Variants in IGSF9B observed in about 807,000 individuals in gnomAD.
IGSF9B encodes the protein protein turtle homolog B.
Under a neutral mutation model 143.7 loss-of-function variants are expected in IGSF9B, and 48 were observed. That is an observed-to-expected ratio of 0.33 (90% confidence interval 0.26 to 0.42). The LOEUF (loss-of-function observed/expected upper bound fraction) is 0.42, where lower values mean the gene tolerates loss of function less well. Among genes scored for constraint, IGSF9B ranks in the 20% least tolerant of loss-of-function variants. The probability of loss-of-function intolerance (pLI) is 1.00; values close to 1 mark genes in which losing one functional copy is unlikely to be tolerated. For synonymous variants in IGSF9B, 903 were observed against 833.1 expected (o/e 1.08, Z -1.44); for missense variants, 1,706 against 1,980.0 (o/e 0.86, Z 2.63).
chr11:133,922,315 C>T, intron 16 of IGSF9B, 93 bp from the exon 17 acceptor site: 1 of 1,237,338 alleles, frequency 8.1e-7, no homozygotes. Flanking sequence ...CGGAGCACCA[C>T]CGCACAGGGA....
chr11:133,931,211 G>T lies in IGSF9B; in HGVS notation c.1369-77C>A, dbSNP rs903307463. The T allele has an allele frequency of 2.7e-6, 4 of 1,466,308 alleles. No individual in the cohort carries two copies. The South Asian group carries it at 5.1e-5, about 19-fold the overall frequency. The allele number at this position is 1,466,308 out of a possible 1,614,324, so 90.8% of individuals were successfully genotyped here. A position where few individuals can be genotyped will look rare whatever the true frequency, so the allele number is the denominator to read the frequency against. On this transcript the variant is annotated intron_variant, in intron 10 of 19. Transcript: ENST00000533871. This position sits in a 1 kb window ranked among gnomAD's most constrained non-coding sequence, Gnocchi z 7.7. ...AGAGAAGCCCGAAGCAGATGGGGAG[G>T]ACGCGCCTGAGACCCCGGCCCGCCC...
chr11:133,912,732 T>G (rs1939321013), intron 18 of IGSF9B, among the ~76,000 whole-genome samples: 1 of 152,228 alleles, frequency 6.6e-6, no homozygotes, highest in African/African-American at 2.4e-5. Flanking sequence ...CCCAGAGCCC[T>G]TGCTGTCTGT....
At position 133,956,016 on chromosome 11, in the gene IGSF9B, G is replaced by A. The variant is rs571986516; in HGVS notation, c.64+675C>T. Among the ~76,000 whole-genome samples, 840 of 152,154 alleles carry A rather than the reference G, an allele frequency of 5.5e-3. 5 individuals carry two copies. Among genetic ancestry groups the A allele is most frequent in the African/African-American group, 0.019 (774 of 41,540 alleles). On this transcript the variant is annotated intron_variant, in intron 1 of 19. Coordinates refer to ENST00000533871, the MANE Select transcript of IGSF9B (RefSeq NM_001277285.4). ...ACTTTTGCCTGGCCGGGGCCCAGGT[G>A]CGGCTGAGAGGCGCGGGGGCCGGCG...
Position 133,929,685 on chromosome 11 carries a change from C to T in IGSF9B, c.1617G>A (p.Gln539=), listed in dbSNP as rs1449797414. The part of the protein sequence containing the change: ...WEPGYDGGYE[Q]TFSVWMKRAQ... ...GAGGTCCGTACCAAACTGAGAATGT[C>T]TGCTCGTAGCCTCCATCATAGCCTG... is the stretch of plus-strand genomic sequence containing the variant. Residue 539 remains glutamine, a synonymous_variant, in exon 12 of 20, where the codon CAG becomes CAA. Transcript: ENST00000533871. 1.9e-6 allele frequency: 3 copies of T among 1,612,534 alleles called. No homozygotes were observed. In the Admixed American group the frequency reaches 5.0e-5, roughly 27 times the overall value.
Position 133,921,135 on chromosome 11 carries a change from C to T in IGSF9B, c.2590G>A (p.Glu864Lys), listed in dbSNP as rs1164600920. The T allele has an allele frequency of 2.5e-6, 4 of 1,613,632 alleles. No homozygotes were observed. Among genetic ancestry groups the T allele is most frequent in the East Asian group, 4.5e-5 (2 of 44,888 alleles). Residue 864 changes from glutamate (E) to lysine (K), a missense_variant, in exon 18 of 20, where the codon GAG (glutamate) becomes AAG (lysine). Glu to Lys is a moderately conservative substitution (Grantham distance 56). Around this residue, in one of 7 missense-constraint regions of IGSF9B, gnomAD observed 135 missense variants for 181.3 expected, o/e 0.74. Coordinates refer to ENST00000533871, the MANE Select transcript of IGSF9B (RefSeq NM_001277285.4). ...PDGRFVMDPA[E>K]MEPSLKSRRI... The stretch of plus-strand genomic sequence containing the variant: ...CTGCTCTTCAGCGAGGGCTCCATCT[C>T]GGCAGGGTCCATCACGAAGCGGCCG...
At chr11:133,911,083 G>T (rs1281713340) in intron 19 of IGSF9B, among the ~76,000 whole-genome samples, 1 of 152,182 alleles carries the variant, frequency 6.6e-6, no homozygotes, top group East Asian at 1.9e-4. Context: ...TATAAAGAGA[G>T]TTACTCTACA....
At position 133,928,114 on chromosome 11, in the gene IGSF9B, G is replaced by A. The variant is rs1417685706; in HGVS notation, c.1632-1023C>T. On this transcript the variant is annotated intron_variant, in intron 12 of 19. Coordinates refer to ENST00000533871, the MANE Select transcript of IGSF9B (RefSeq NM_001277285.4). The surrounding 1 kb of genome is among the most constrained non-coding windows in gnomAD (Gnocchi z 4.7). ...TGGAGCAGCAGCGTGAAGCAGCACCGCAAGCAGCAGGGGAGCCCCAATCTA... is the reference window on the plus strand; with the variant it reads ...TGGAGCAGCAGCGTGAAGCAGCACCACAAGCAGCAGGGGAGCCCCAATCTA... Among the ~76,000 whole-genome samples the A allele has an allele frequency of 3.3e-5, 5 of 151,906 alleles. No homozygotes were observed. The highest frequency in any genetic ancestry group is 7.4e-5 in the Non-Finnish European group (5 of 67,926).
chr11:133,927,532 G>A (rs911826614), intron 12 of IGSF9B, among the ~76,000 whole-genome samples: 2 of 152,202 alleles, frequency 1.3e-5, no homozygotes, highest in Non-Finnish European at 2.9e-5. Flanking sequence ...AGCTGAAGTA[G>A]GGCCTCGGGT....
Position 133,932,221 on chromosome 11 carries a change from G to A in IGSF9B, c.968-8C>T. The A allele has an allele frequency of 6.4e-7, 1 of 1,552,058 alleles. No individual in the cohort carries two copies. Among genetic ancestry groups the A allele is most frequent in the African/African-American group, 1.4e-5 (1 of 73,312 alleles). On this transcript the variant is annotated splice_region_variant and splice_polypyrimidine_tract_variant and intron_variant, in intron 7 of 19. Transcript: ENST00000533871. ...TGAGGACACGCGCTGGGTCTGCATAGAGGAAGCGCAGGTGAGAGAGCAGAC... is the reference window on the plus strand; with the variant it reads ...TGAGGACACGCGCTGGGTCTGCATAAAGGAAGCGCAGGTGAGAGAGCAGAC...
Position 133,945,544 on chromosome 11 carries a change from G to A in IGSF9B, c.262+517C>T, listed in dbSNP as rs1026494400. On this transcript the variant is annotated intron_variant, in intron 2 of 19. Transcript: ENST00000533871. The surrounding 1 kb of genome is among the most constrained non-coding windows in gnomAD (Gnocchi z 4.6). ...AGCGGCAGTGAGTCACGAGGCCTTT[G>A]CTGGCAGGAGTAACTGCCAAACAGG... Among the ~76,000 whole-genome samples, 4 of 152,184 alleles carry A rather than the reference G, an allele frequency of 2.6e-5. No homozygotes were observed. Among genetic ancestry groups the A allele is most frequent in the African/African-American group, 9.6e-5 (4 of 41,456 alleles).
rs775586659 is a variant in IGSF9B at position 133,931,037 on chromosome 11, A to T, written c.1466T>A (p.Val489Asp). 1.2e-6 allele frequency: 2 copies of T among 1,613,670 alleles called. No individual in the cohort carries two copies. The highest frequency in any genetic ancestry group is 1.3e-5 in the African/African-American group (1 of 75,032). The change falls in exon 11 of 20, where the codon GTC becomes GAC. Residue 489 changes from valine to aspartate, a missense_variant. Physicochemically the swap from Val to Asp is radical, Grantham distance 152. Around this residue, in one of 7 missense-constraint regions of IGSF9B, gnomAD observed 238 missense variants for 452.6 expected, o/e 0.53. Transcript: ENST00000533871. The surrounding 1 kb of genome is among the most constrained non-coding windows in gnomAD (Gnocchi z 7.7). ...SKEDHGEWEC[V>D]ATNVVTSITA... Reference sequence around the variant, plus strand: ...GATGCTCGTGACCACGTTGGTGGCGACACATTCCCACTCCCCGTGGTCCTC... The same window carrying T: ...GATGCTCGTGACCACGTTGGTGGCGTCACATTCCCACTCCCCGTGGTCCTC...
intron 1 of IGSF9B, among the ~76,000 whole-genome samples, chr11:133,949,327 C>T (rs11223638): frequency 0.18 from 27,810 of 152,096 alleles, 3,281 homozygotes; most frequent in African/African-American, 0.33. Context: ...CACACACATG[C>T]GCACGCACAC....
In IGSF9B at chr11:133,920,939, C is replaced by G. The variant is rs533134144; in HGVS notation, c.2786G>C (p.Ser929Thr). ...QESYLPPPAY[S>T]PRFQPRGLEG... ...CAGCCCGCGGGGCTGGAACCGAGGGCTGTATGCTGGTGGTGGCAGGTAGGA... is the reference window on the plus strand; with the variant it reads ...CAGCCCGCGGGGCTGGAACCGAGGGGTGTATGCTGGTGGTGGCAGGTAGGA... Residue 929 changes from serine to threonine, a missense_variant, in exon 18 of 20, where the codon AGC becomes ACC. Transcript: ENST00000533871. 6 of 1,610,644 alleles carry G rather than the reference C, an allele frequency of 3.7e-6. No individual in the cohort carries two copies. The South Asian group carries it at 6.6e-5, about 18-fold the overall frequency.
rs1939163259 is a variant in IGSF9B, at chr11:133,902,971, A to G, written c.*6098T>C. Among the ~76,000 whole-genome samples, 1 of 152,100 alleles carries G rather than the reference A, an allele frequency of 6.6e-6. No individual in the cohort carries two copies. The highest frequency in any genetic ancestry group is 1.5e-5 in the Non-Finnish European group (1 of 68,024). On this transcript the variant is annotated 3_prime_UTR_variant, in exon 20 of 20. Coordinates refer to ENST00000533871, the MANE Select transcript of IGSF9B (RefSeq NM_001277285.4). ...GAAAACCCCACACGTGCATGCCCGC[A>G]GCATTTCTAAGGCCGAAAATGCAAG...
chr11:133,917,931 C>G (rs2121281893), intron 18 of IGSF9B, among the ~76,000 whole-genome samples: 1 of 151,858 alleles, frequency 6.6e-6, no homozygotes, highest in Non-Finnish European at 1.5e-5. Context: ...CTTCGGGGTG[C>G]ATGCAGGGCC....
At chr11:133,914,900 G>A (rs1056937407) in intron 18 of IGSF9B, among the ~76,000 whole-genome samples, 3 of 152,142 alleles carry the variant, frequency 2.0e-5, no homozygotes, top group Admixed American at 6.5e-5. Flanking sequence ...TGTTGCCAAC[G>A]CCAGCCCCAC....
chr11:133,919,861 G>A lies in IGSF9B; in HGVS notation c.3864C>T (p.Gly1288=). Residue 1288 remains glycine, a synonymous_variant, in exon 18 of 20, where the codon GGC becomes GGT. Transcript: ENST00000533871. ...TGTCCCCAGGCCCAGCAGGGGCGGG[G>A]CCGGGTGGAGGGGAAGGGTAGCCGG... ...LATGYPSPPP[G]PAPAGPGDSL... is the part of the protein sequence containing the mutation. 6.3e-7 allele frequency: 1 copy of A among 1,588,290 alleles called. No homozygotes were observed.
chr11:133,924,381 C>T (rs928339727), intron 15 of IGSF9B, among the ~76,000 whole-genome samples: 1 of 152,104 alleles, frequency 6.6e-6, no homozygotes, highest in Non-Finnish European at 1.5e-5. Flanking sequence ...GAGGAAAACA[C>T]CAAACAACAA....
chr11:133,926,553 G>A (rs1357694667), intron 13 of IGSF9B, among the ~76,000 whole-genome samples: 1 of 152,264 alleles, frequency 6.6e-6, no homozygotes, highest in African/African-American at 2.4e-5. Flanking sequence ...GCGGGAGGCA[G>A]CCACATGCCT....
Sources: allele counts gnomAD v4.1 joint callset (sites outside exome capture counted in the v4.1 genomes callset), GRCh38; gene constraint gnomAD v4.1.1; regional missense constraint gnomAD v4.1.1; non-coding constraint Gnocchi (gnomAD v3.1); transcripts MANE v1.5; gene names NCBI Gene and HGNC (gene_info 2026-07-23, HGNC 2026-07-21).